The following PARP1 variants were observed in gnomAD, a reference collection of about 807,000 sequenced individuals.
PARP1 encodes poly [ADP-ribose] polymerase 1.
A neutral mutation model predicts 118.7 loss-of-function variants in PARP1; 44 were observed. The observed-to-expected ratio is 0.37, with a 90% confidence interval of 0.29 to 0.48. PARP1 has a LOEUF of 0.48. PARP1 is among the 20% of genes least tolerant of loss of function. PARP1 has a pLI of 0.99. For missense variants in PARP1, 1,100 were observed against 1,272.4 expected (o/e 0.86, Z 2.06); for synonymous variants, 492 against 483.2 (o/e 1.02, Z -0.24).
chr1:226,375,863 CATGGTACAT>C (rs1664477307), intron 13 of PARP1, among the ~76,000 whole-genome samples: 1 of 152,090 alleles, frequency 6.6e-6, no homozygotes, highest in Admixed American at 6.6e-5. Flanking sequence ...ATGGTTGTAA[CATGGTACAT>C]ATGGTGGTGG....
At position 226,380,077 on chromosome 1, in the gene PARP1, G is replaced by A. The variant is rs1412319267; in HGVS notation, c.1388C>T (p.Ser463Phe). The A allele has an allele frequency of 1.2e-6, 2 of 1,614,192 alleles. No homozygotes were observed. The highest frequency in any genetic ancestry group is 1.7e-6 in the Non-Finnish European group (2 of 1,180,024). The stretch of plus-strand genomic sequence containing the variant: ...CTCCTGAAGGCTCTTGGTGGAGGCG[G>A]AGACGTCCTGGAGGAAGTCCTCAGA... ...VVSEDFLQDV[S>F]ASTKSLQELF... is the part of the protein sequence containing the mutation. Residue 463 changes from serine to phenylalanine, a missense_variant, in exon 10 of 23, where the codon TCC becomes TTC. Physicochemically the swap from Ser to Phe is radical, Grantham distance 155. Coordinates refer to ENST00000366794, the MANE Select transcript of PARP1 (RefSeq NM_001618.4).
chr1:226,391,267 G>A (rs1437169047), intron 3 of PARP1, among the ~76,000 whole-genome samples: 1 of 151,952 alleles, frequency 6.6e-6, no homozygotes, highest in Admixed American at 6.6e-5. Context: ...TACTAGCAGG[G>A]ACTTTCTGTC....
intron 2 of PARP1, among the ~76,000 whole-genome samples, chr1:226,394,071 GGTAATCCCACCTCACACCT>G (rs1396267353): frequency 6.6e-6 from 1 of 152,184 alleles, no homozygotes; most frequent in African/African-American, 2.4e-5. Flanking sequence ...GGCCAGGCAT[GGTAATCCCACCTCACACCT>G]GTAATCCCAG....
At chr1:226,392,420 T>G in intron 2 of PARP1, 106 bp from the exon 3 acceptor site, 1 of 808,962 alleles carries the variant, frequency 1.2e-6, no homozygotes, top group Admixed American at 1.7e-5. Context: ...CTAGGACACC[T>G]TATGCCTTGG....
intron 13 of PARP1, among the ~76,000 whole-genome samples, chr1:226,375,927 C>T (rs982615983): frequency 3.3e-5 from 5 of 152,100 alleles, no homozygotes; most frequent in African/African-American, 1.2e-4. Flanking sequence ...AGATATCTAC[C>T]ATTACTTTAA....
intron 14 of PARP1, among the ~76,000 whole-genome samples, chr1:226,372,590 GC>G (rs1664410511): frequency 6.6e-6 from 1 of 152,168 alleles, no homozygotes; most frequent in South Asian, 2.1e-4. Flanking sequence ...CAGGAGAATC[GC>G]TTGAACCCAG....
intron 14 of PARP1, among the ~76,000 whole-genome samples, chr1:226,371,873 A>G (rs907142381): frequency 1.2e-4 from 4 of 33,254 alleles, no homozygotes; most frequent in Non-Finnish European, 4.1e-4. Flanking sequence ...GCACAGACTA[A>G]AAATAAGAGG....
intron 5 of PARP1, 65 bp from the exon 6 acceptor site, chr1:226,386,507 G>C (rs1321558393): frequency 1.9e-6 from 2 of 1,044,478 alleles, no homozygotes; most frequent in African/African-American, 1.6e-5. Context: ...ACTGGAGGAG[G>C]AGCCCTGGTC....
chr1:226,373,681 T>C (rs890439060), intron 14 of PARP1, among the ~76,000 whole-genome samples: 1 of 152,184 alleles, frequency 6.6e-6, no homozygotes, highest in African/African-American at 2.4e-5. Flanking sequence ...AATTTTATCT[T>C]ACGAATCAAG....
At chr1:226,365,391 G>A (rs1664237304) in intron 18 of PARP1, among the ~76,000 whole-genome samples, 1 of 152,234 alleles carries the variant, frequency 6.6e-6, no homozygotes, top group African/African-American at 2.4e-5. Flanking sequence ...TGCACTTGAG[G>A]AACTTTATCT....
At chr1:226,365,212 A>C in intron 18 of PARP1, 58 bp from the exon 19 acceptor site, 1 of 1,576,068 alleles carries the variant, frequency 6.3e-7, no homozygotes, top group South Asian at 1.1e-5. Flanking sequence ...ACTCTGGTTG[A>C]CTGAAAGACA....
chr1:226,380,482 T>C (rs778849160), intron 9 of PARP1, among the ~76,000 whole-genome samples: 2 of 152,232 alleles, frequency 1.3e-5, no homozygotes, highest in Non-Finnish European at 2.9e-5. Context: ...AGACCTACAG[T>C]GGTAATCAGC....
intron 11 of PARP1, 66 bp from the exon 12 acceptor site, chr1:226,379,340 G>A: frequency 6.3e-7 from 1 of 1,598,306 alleles, no homozygotes; most frequent in Non-Finnish European, 8.6e-7. Flanking sequence ...TCACGGAGAA[G>A]GGATCTGCAG....
chr1:226,376,863 A>G (rs1037334539), intron 13 of PARP1, among the ~76,000 whole-genome samples: 1 of 152,172 alleles, frequency 6.6e-6, no homozygotes, highest in African/African-American at 2.4e-5. Flanking sequence ...TTCACAGGAA[A>G]CTGCTCTGTA....
At chr1:226,365,610 T>C (rs575102184) in intron 18 of PARP1, among the ~76,000 whole-genome samples, 1 of 152,072 alleles carries the variant, frequency 6.6e-6, no homozygotes, top group East Asian at 1.9e-4. Context: ...CTACTAAAAA[T>C]ACAAAAATTA....
At chr1:226,381,233 C>T (rs779620436) in intron 8 of PARP1, 25 bp from the exon 9 acceptor site, 1 of 1,614,122 alleles carries the variant, frequency 6.2e-7, no homozygotes, top group South Asian at 1.1e-5. Context: ...GAGAATCATT[C>T]AGCAAGGCCA....
chr1:226,383,349 G>A (rs1194850658), intron 7 of PARP1, among the ~76,000 whole-genome samples, 166 bp from the exon 8 acceptor site: 1 of 152,196 alleles, frequency 6.6e-6, no homozygotes, highest in African/African-American at 2.4e-5. Context: ...ATGAAAGACA[G>A]TATTATTGCT....
chr1:226,368,379 C>A, intron 15 of PARP1, 58 bp from the exon 16 acceptor site: 2 of 1,612,508 alleles, frequency 1.2e-6, no homozygotes. Context: ...AAGCCCCCGG[C>A]CAGGCTTTCT....
rs763245028 is a variant in PARP1 at position 226,362,028 on chromosome 1, G to A, written c.2904C>T (p.Asp968=). The A allele has an allele frequency of 2.7e-5, 44 of 1,613,724 alleles. No homozygotes were observed. The highest frequency in any genetic ancestry group is 3.5e-5 in the Non-Finnish European group (41 of 1,179,664). ...PSANISLDGV[D]VPLGTGISSG... ...ATGAAATCCCGGTCCCAAGAGGAAC[G>A]TCTACACCATCCAGACTAATGTTAG... Residue 968 remains aspartate (D), a synonymous_variant, in exon 22 of 23, where the codon GAC becomes GAT. Coordinates refer to ENST00000366794, the MANE Select transcript of PARP1 (RefSeq NM_001618.4).
Sources: gnomAD v4.1 joint callset for allele counts (sites outside exome capture counted in the v4.1 genomes callset) on GRCh38, gnomAD v4.1.1 for gene constraint, MANE v1.5 for transcripts, NCBI Gene and HGNC (gene_info 2026-07-23, HGNC 2026-07-21) for gene names.